Variants in LRRC4C observed in about 807,000 individuals in gnomAD.
LRRC4C encodes leucine rich repeat containing 4C, also known as leucine-rich repeat-containing protein 4C.
LRRC4C carries 5 observed loss-of-function variants against 33.6 expected under a neutral mutation model. The observed-to-expected ratio is 0.15, with a 90% CI of 0.08 to 0.31. The LOEUF is 0.31. LRRC4C is among the 10% of genes least tolerant of loss of function. The pLI is 1.00. For missense variants in LRRC4C, 560 were observed against 796.7 expected, an observed-to-expected ratio of 0.70 and a Z score of 3.58; for synonymous variants, 329 against 302.0, an observed-to-expected ratio of 1.09 and a Z score of -0.93.
At chr11:40,376,335 T>C (rs1359400382) in intron 3 of LRRC4C, among the ~76,000 whole-genome samples, 3 of 152,138 alleles carry the variant, frequency 2.0e-5, no homozygotes, top group African/African-American at 7.2e-5. Context: ...CAGAAAGCCA[T>C]GTCTTATAGA....
intron 1 of LRRC4C, among the ~76,000 whole-genome samples, chr11:41,379,632 T>C (rs1426504124): frequency 6.6e-6 from 1 of 152,110 alleles, no homozygotes; most frequent in Admixed American, 6.6e-5. Context: ...GGGCCTTTAT[T>C]CACAGCTTTC....
chr11:40,898,232 T>C (rs1340885607), intron 2 of LRRC4C, among the ~76,000 whole-genome samples: 4 of 150,754 alleles, frequency 2.7e-5, no homozygotes, highest in Admixed American at 2.0e-4. Context: ...TGTATGCCTG[T>C]AATCCCAGCT....
intron 2 of LRRC4C, among the ~76,000 whole-genome samples, chr11:40,834,911 G>GACAGACAC (rs748483585): frequency 1.7e-3 from 147 of 84,928 alleles, no homozygotes; most frequent in Non-Finnish European, 3.3e-3. Context: ...CAGACAGACA[G>GACAGACAC]ACACACACAC....
intron 1 of LRRC4C, among the ~76,000 whole-genome samples, chr11:41,064,552 T>C (rs971772976): frequency 6.6e-6 from 1 of 152,356 alleles, no homozygotes; most frequent in East Asian, 1.9e-4. Flanking sequence ...TTATTCTTCA[T>C]GCTTTCTCTT....
intron 3 of LRRC4C, among the ~76,000 whole-genome samples, chr11:40,373,660 G>A (rs764612774): frequency 2.0e-5 from 3 of 152,092 alleles, no homozygotes; most frequent in African/African-American, 2.4e-5. Context: ...TCATGGTGGC[G>A]GCTCACTCAT....
At chr11:41,416,245 C>T (rs1954676130) in intron 1 of LRRC4C, among the ~76,000 whole-genome samples, 1 of 152,024 alleles carries the variant, frequency 6.6e-6, no homozygotes, top group South Asian at 2.1e-4. Flanking sequence ...ACTCACACTT[C>T]CCACCGTTTT....
intron 1 of LRRC4C, among the ~76,000 whole-genome samples, chr11:41,324,090 T>C (rs192629494): frequency 2.6e-5 from 4 of 152,314 alleles, no homozygotes. Flanking sequence ...CACCTTCAAA[T>C]TACAACATCC....
Position 41,350,157 on chromosome 11 carries a change from G to C in LRRC4C, c.-496+109274C>G, listed in dbSNP as rs139452397. 4.2e-3 allele frequency among the ~76,000 whole-genome samples: 647 copies of C among 152,298 alleles called. 3 individuals are homozygous for C. The highest frequency in any genetic ancestry group is 0.014 in the African/African-American group (570 of 41,566). On this transcript the variant is annotated intron_variant, in intron 1 of 6. Transcript: ENST00000528697. ...ATAGTTTTGACCTCAGTGACTACCT[G>C]TATAGATCTGAGGTCCCCAGAACAC...
At chr11:40,220,379 T>C (rs1864315667) in intron 5 of LRRC4C, among the ~76,000 whole-genome samples, 1 of 152,204 alleles carries the variant, frequency 6.6e-6, no homozygotes, top group Admixed American at 6.5e-5. Flanking sequence ...AGATTACTAC[T>C]GGATAATGGC....
chr11:40,420,644 G>A (rs184275166), intron 3 of LRRC4C, among the ~76,000 whole-genome samples: 1 of 152,288 alleles, frequency 6.6e-6, no homozygotes, highest in East Asian at 1.9e-4. Flanking sequence ...CCTAAAGAAT[G>A]CACTAATTCA....
At chr11:40,203,641 A>G (rs1253232830) in intron 5 of LRRC4C, among the ~76,000 whole-genome samples, 1 of 152,222 alleles carries the variant, frequency 6.6e-6, no homozygotes, top group Non-Finnish European at 1.5e-5. Context: ...TGAATTCTAC[A>G]AACAGAAAAG....
chr11:41,096,612 G>T (rs1402174916), intron 1 of LRRC4C, among the ~76,000 whole-genome samples: 1 of 152,168 alleles, frequency 6.6e-6, no homozygotes, highest in African/African-American at 2.4e-5. Context: ...TAAAAAAGGA[G>T]ATAGGGAGTA....
intron 5 of LRRC4C, among the ~76,000 whole-genome samples, chr11:40,166,211 G>T (rs941965429): frequency 1.3e-5 from 2 of 152,152 alleles, no homozygotes; most frequent in African/African-American, 4.8e-5. Context: ...AAAACTAGAA[G>T]TGTCCCAATC....
intron 3 of LRRC4C, among the ~76,000 whole-genome samples, chr11:40,336,976 CAAAAAAAA>C (rs34144874): frequency 6.1e-4 from 48 of 79,252 alleles, no homozygotes; most frequent in African/African-American, 1.7e-3. Flanking sequence ...GACTTCGTCT[CAAAAAAAA>C]AAAAAAAAAA....
chr11:41,085,928 CAA>C (rs10717008), intron 1 of LRRC4C, among the ~76,000 whole-genome samples: 1,778 of 80,250 alleles, frequency 0.022, 26 homozygotes, highest in African/African-American at 0.068. Flanking sequence ...TTTAAGACAC[CAA>C]AAAAAAAAAA....
chr11:40,714,466 T>C (rs529302393), intron 2 of LRRC4C, among the ~76,000 whole-genome samples: 1 of 152,296 alleles, frequency 6.6e-6, no homozygotes, highest in African/African-American at 2.4e-5. Context: ...CAACCACAGA[T>C]TATGAGCTAA....
At chr11:41,357,306 T>A (rs1044233598) in intron 1 of LRRC4C, among the ~76,000 whole-genome samples, 8 of 152,182 alleles carry the variant, frequency 5.3e-5, no homozygotes, top group East Asian at 1.9e-4. Flanking sequence ...ATAATTTTTT[T>A]AATTTACTGT....
At chr11:40,275,873 G>A (rs138720432) in intron 4 of LRRC4C, among the ~76,000 whole-genome samples, 2 of 152,290 alleles carry the variant, frequency 1.3e-5, no homozygotes, top group African/African-American at 4.8e-5. Flanking sequence ...AGGCATGAAG[G>A]TGAGGACCCA....
chr11:40,402,225 T>C (rs572461366), intron 3 of LRRC4C, among the ~76,000 whole-genome samples: 1 of 152,164 alleles, frequency 6.6e-6, no homozygotes. Context: ...ACTATATGTT[T>C]GTCTCCATTT....
Sources: allele counts gnomAD v4.1 joint callset (sites outside exome capture counted in the v4.1 genomes callset), GRCh38; gene constraint gnomAD v4.1.1; transcripts MANE v1.5; gene names NCBI Gene and HGNC (gene_info 2026-07-23, HGNC 2026-07-21).